RAB39A: variants seen among roughly 807,000 people sequenced by gnomAD.
RAB39A encodes RAB39A, member RAS oncogene family.
A neutral mutation model predicts 20.9 loss-of-function variants in RAB39A; 17 were observed. The observed-to-expected ratio is 0.81, with a 90% CI of 0.56 to 1.22. The LOEUF (loss-of-function observed/expected upper bound fraction) is 1.22. Ranked by LOEUF, RAB39A falls within the 50% of genes most tolerant of loss-of-function variation. RAB39A has a pLI of 0.00. For missense variants in RAB39A, 234 were observed against 270.5 expected (o/e 0.87, Z 0.95); for synonymous variants, 99 against 103.4 (o/e 0.96, Z 0.26).
At chr11:107,954,013 G>A (rs1361046782) in intron 1 of RAB39A, among the ~76,000 whole-genome samples, 1 of 152,164 alleles carries the variant, frequency 6.6e-6, no homozygotes, top group Admixed American at 6.5e-5. Flanking sequence ...GCAATGTGTA[G>A]GATACCATGA....
In RAB39A at chr11:107,946,236, C is replaced by A. The variant is rs12295803; in HGVS notation, c.228-15710C>A. 9.8e-3 allele frequency among the ~76,000 whole-genome samples: 1,193 copies of A among 122,200 alleles called. 11 individuals carry two copies. The highest frequency in any genetic ancestry group is 0.03 in the African/African-American group (1,005 of 33,168). The allele number at this position is 122,200 out of a possible 152,430, so 80.2% of individuals were successfully genotyped here. ...AAGGGAAAAAGAGAATGTTAAAAAA[C>A]AAAAAAAAAAACCTGTCCTTAATTT... On this transcript the variant is annotated intron_variant, in intron 1 of 1. Transcript: ENST00000320578.
chr11:107,929,172 C>G (rs570605109), intron 1 of RAB39A, among the ~76,000 whole-genome samples: 1 of 152,194 alleles, frequency 6.6e-6, no homozygotes, highest in South Asian at 2.1e-4. Context: ...CACAGCATGA[C>G]CCGACCACCC....
intron 1 of RAB39A, among the ~76,000 whole-genome samples, chr11:107,946,436 GTATA>G (rs1565464268): frequency 1.6e-3 from 49 of 30,474 alleles, no homozygotes; most frequent in African/African-American, 4.9e-3. Context: ...GTGTGTGTGT[GTATA>G]TATATATATA....
chr11:107,943,566 G>A lies in RAB39A; in HGVS notation c.227+14771G>A, dbSNP rs369626882. Among the ~76,000 whole-genome samples, 87 of 135,538 alleles carry A rather than the reference G, an allele frequency of 6.4e-4. No individual in the cohort carries two copies. In the East Asian group the frequency reaches 8.7e-3, roughly 13 times the overall value. 88.9% of individuals were successfully genotyped at this position (135,538 alleles called of 152,430 possible). A position where few individuals can be genotyped will look rare whatever the true frequency, so the allele number is the denominator to read the frequency against. ...AGCCTGGGTGACAGAGTGAGACTCC[G>A]TCTCAAAAAAAAAAAAAAAAAGAAA... On this transcript the variant is annotated intron_variant, in intron 1 of 1. Coordinates refer to ENST00000320578, the MANE Select transcript of RAB39A (RefSeq NM_017516.3).
At chr11:107,933,309 ATATATGTG>A (rs1861156191) in intron 1 of RAB39A, among the ~76,000 whole-genome samples, 2 of 55,792 alleles carry the variant, frequency 3.6e-5, no homozygotes, top group Non-Finnish European at 6.6e-5. Context: ...CTTTATATAT[ATATATGTG>A]TGTGTGTGTG....
chr11:107,931,431 CTT>C (rs554849030), intron 1 of RAB39A, among the ~76,000 whole-genome samples: 103 of 152,300 alleles, frequency 6.8e-4, no homozygotes, highest in African/African-American at 2.4e-3. Context: ...TTGTTTGGCT[CTT>C]TACCAAAGTT....
intron 1 of RAB39A, among the ~76,000 whole-genome samples, chr11:107,933,313 ATGTGTGTG>A (rs60670768): frequency 0.28 from 35,483 of 124,970 alleles, 5,805 homozygotes; most frequent in South Asian, 0.42. Context: ...ATATATATAT[ATGTGTGTG>A]TGTGTGTGTG....
At chr11:107,948,206 A>G (rs1047651039) in intron 1 of RAB39A, among the ~76,000 whole-genome samples, 2 of 152,208 alleles carry the variant, frequency 1.3e-5, no homozygotes, top group African/African-American at 2.4e-5. Context: ...CAGAAAAGCT[A>G]ATGGAAATAA....
At chr11:107,932,921 G>A (rs1861152611) in intron 1 of RAB39A, among the ~76,000 whole-genome samples, 1 of 152,046 alleles carries the variant, frequency 6.6e-6, no homozygotes, top group African/African-American at 2.4e-5. Context: ...ATGGTGGCTG[G>A]GCTGGTCTCG....
rs779291941 is a variant in RAB39A, at chr11:107,962,284, G to T, written c.566G>T (p.Gly189Val). 6.2e-7 allele frequency: 1 copy of T among 1,613,798 alleles called. No homozygotes were observed. Among genetic ancestry groups the T allele is most frequent in the South Asian group, 1.1e-5 (1 of 91,066 alleles). ...IKKGEICIQD[G>V]WEGVKSGFVP... is the part of the protein sequence containing the mutation. ...AAGGGAGAAATTTGTATTCAGGATG[G>T]CTGGGAAGGGGTTAAAAGTGGTTTT... is the stretch of plus-strand genomic sequence containing the variant. Residue 189 changes from glycine to valine, a missense_variant, in exon 2 of 2, where the codon GGC becomes GTC. Coordinates refer to ENST00000320578, the MANE Select transcript of RAB39A (RefSeq NM_017516.3).
In RAB39A at chr11:107,945,301, G is replaced by A. The variant is rs567720845; in HGVS notation, c.227+16506G>A. Among the ~76,000 whole-genome samples, 132 of 104,614 alleles carry A rather than the reference G, an allele frequency of 1.3e-3. 2 individuals are homozygous for A. Among genetic ancestry groups the A allele is most frequent in the African/African-American group, 4.9e-3 (122 of 25,154 alleles). 68.6% of individuals were successfully genotyped at this position (104,614 alleles called of 152,430 possible). On this transcript the variant is annotated intron_variant, in intron 1 of 1. Coordinates refer to ENST00000320578, the MANE Select transcript of RAB39A (RefSeq NM_017516.3). ...AGTTCAAGGCCAGCCTGGCAACACAGCAAAACCCCGTCTCTACAAAAAAAA... is the reference window on the plus strand; with the variant it reads ...AGTTCAAGGCCAGCCTGGCAACACAACAAAACCCCGTCTCTACAAAAAAAA...
chr11:107,935,942 G>A (rs1361801590), intron 1 of RAB39A, among the ~76,000 whole-genome samples: 1 of 111,940 alleles, frequency 8.9e-6, no homozygotes, highest in African/African-American at 3.5e-5. Context: ...GTTTTGCTCT[G>A]TCACCCAGGC....
chr11:107,951,359 C>G (rs180734370), intron 1 of RAB39A, among the ~76,000 whole-genome samples: 2 of 152,160 alleles, frequency 1.3e-5, no homozygotes, highest in Non-Finnish European at 2.9e-5. Context: ...AAAACAGGCA[C>G]CCACAAGGCT....
intron 1 of RAB39A, among the ~76,000 whole-genome samples, chr11:107,957,930 C>T (rs183420103): frequency 6.6e-6 from 1 of 151,356 alleles, no homozygotes; most frequent in East Asian, 2.0e-4. Context: ...GAGTCTCTGT[C>T]GCCCAGGCTG....
intron 1 of RAB39A, among the ~76,000 whole-genome samples, chr11:107,943,757 A>G (rs1861282497): frequency 6.6e-6 from 1 of 152,132 alleles, no homozygotes; most frequent in Non-Finnish European, 1.5e-5. Context: ...GACTGCCAAG[A>G]TATGGCAACT....
chr11:107,958,149 C>T (rs1181493226), intron 1 of RAB39A, among the ~76,000 whole-genome samples: 1 of 152,164 alleles, frequency 6.6e-6, no homozygotes, highest in Non-Finnish European at 1.5e-5. Flanking sequence ...ACCTTGGCCT[C>T]CCAAATTGCT....
intron 1 of RAB39A, among the ~76,000 whole-genome samples, chr11:107,938,487 T>C (rs995318760): frequency 2.0e-5 from 3 of 149,626 alleles, no homozygotes; most frequent in Non-Finnish European, 3.0e-5. Context: ...CCCAACACTT[T>C]GAGAGGCCAA....
At chr11:107,940,334 G>A (rs186675436) in intron 1 of RAB39A, among the ~76,000 whole-genome samples, 31 of 151,622 alleles carry the variant, frequency 2.0e-4, no homozygotes, top group African/African-American at 6.5e-4. Context: ...GCACGATCTC[G>A]GCTTTCTGCA....
chr11:107,958,055 C>A (rs1861456582), intron 1 of RAB39A, among the ~76,000 whole-genome samples: 1 of 152,054 alleles, frequency 6.6e-6, no homozygotes, highest in South Asian at 2.1e-4. Flanking sequence ...CCATGCCTGG[C>A]TATTTTATGT....
Sources: gnomAD v4.1 joint callset for allele counts (sites outside exome capture counted in the v4.1 genomes callset) on GRCh38, gnomAD v4.1.1 for gene constraint, MANE v1.5 for transcripts, NCBI Gene and HGNC (gene_info 2026-07-23, HGNC 2026-07-21) for gene names.